Variants in TSNARE1 observed in about 807,000 individuals in gnomAD.
The protein encoded by TSNARE1 is t-SNARE domain containing 1, also known as t-SNARE domain-containing protein 1.
TSNARE1 carries 49 observed loss-of-function variants against 62.0 expected under a neutral mutation model. The observed-to-expected ratio is 0.79, with a 90% CI of 0.63 to 1.00. The LOEUF (loss-of-function observed/expected upper bound fraction) is 1.00. Ranked by LOEUF, TSNARE1 falls within the 50% of genes least tolerant of loss-of-function variation. TSNARE1 has a pLI of 0.00. For synonymous variants in TSNARE1, 328 were observed against 294.4 expected, an observed-to-expected ratio of 1.11 and a Z score of -1.17; for missense variants, 755 against 700.1, an observed-to-expected ratio of 1.08 and a Z score of -0.88.
At chr8:142,308,618 G>C (rs1586710554) in intron 9 of TSNARE1, among the ~76,000 whole-genome samples, 1 of 152,156 alleles carries the variant, frequency 6.6e-6, no homozygotes, top group African/African-American at 2.4e-5. Context: ...GTGTCCACGG[G>C]CTGGTGTGTC....
intron 1 of TSNARE1, among the ~76,000 whole-genome samples, chr8:142,359,512 G>A (rs1026179320): frequency 2.0e-5 from 3 of 152,226 alleles, no homozygotes; most frequent in African/African-American, 7.2e-5. Context: ...CCTCACAGGT[G>A]CTGAGCCAGT....
intron 12 of TSNARE1, among the ~76,000 whole-genome samples, chr8:142,237,323 G>A (rs1013194160): frequency 6.6e-6 from 1 of 152,244 alleles, no homozygotes; most frequent in Non-Finnish European, 1.5e-5. Context: ...GTCTTGGCCT[G>A]TTCAGGCCTG....
intron 11 of TSNARE1, chr8:142,280,437 A>G (rs957213362): frequency 1.8e-5 from 10 of 570,494 alleles, no homozygotes; most frequent in Non-Finnish European, 2.2e-5. Context: ...CAGGCCTCGC[A>G]TCGGCACCCA....
intron 10 of TSNARE1, among the ~76,000 whole-genome samples, chr8:142,288,914 C>T (rs1304809952): frequency 2.0e-5 from 3 of 152,268 alleles, no homozygotes; most frequent in African/African-American, 7.2e-5. Flanking sequence ...TGGGCTCATG[C>T]GTCCCAGCTT....
intron 9 of TSNARE1, among the ~76,000 whole-genome samples, chr8:142,308,986 G>A (rs975672593): frequency 2.6e-5 from 4 of 152,106 alleles, no homozygotes; most frequent in African/African-American, 9.7e-5. Context: ...TTAGTAATGT[G>A]GCATGTTTTT....
chr8:142,278,726 G>T, intron 11 of TSNARE1: 1 of 985,394 alleles, frequency 1.0e-6, no homozygotes, highest in Non-Finnish European at 1.2e-6. Flanking sequence ...GAGTGGGCCC[G>T]TGGGCTCGGA....
chr8:142,386,755 C>T (rs1837141354), intron 1 of TSNARE1, among the ~76,000 whole-genome samples: 1 of 152,160 alleles, frequency 6.6e-6, no homozygotes, highest in Non-Finnish European at 1.5e-5. Flanking sequence ...CTAATGAATG[C>T]ACTTGAGAAT....
chr8:142,300,886 G>GC (rs958547203), intron 9 of TSNARE1, among the ~76,000 whole-genome samples: 6 of 152,068 alleles, frequency 3.9e-5, no homozygotes, highest in Non-Finnish European at 8.8e-5. Flanking sequence ...AGTGTCATCA[G>GC]CCCCCCCGCA....
intron 10 of TSNARE1, among the ~76,000 whole-genome samples, chr8:142,297,541 T>C (rs1206864703): frequency 3.3e-5 from 5 of 152,082 alleles, no homozygotes; most frequent in Admixed American, 6.5e-5. Context: ...CCCCAGTGAA[T>C]GTGGGAGGAG....
intron 12 of TSNARE1, chr8:142,271,563 G>C (rs1819550208): frequency 5.7e-6 from 8 of 1,403,558 alleles, no homozygotes; most frequent in Non-Finnish European, 7.4e-6. Context: ...GAAGCAGGTG[G>C]GGAGGGTGAG....
In TSNARE1 at chr8:142,352,019, A is replaced by G. The variant is rs76088381; in HGVS notation, c.88+2618T>C. Among the ~76,000 whole-genome samples, 505 of 152,392 alleles carry G rather than the reference A, an allele frequency of 3.3e-3. 2 individuals carry two copies. Among genetic ancestry groups the G allele is most frequent in the African/African-American group, 0.011 (466 of 41,590 alleles). On this transcript the variant is annotated intron_variant, in intron 2 of 13. Coordinates refer to ENST00000524325, the MANE Select transcript of TSNARE1 (RefSeq NM_145003.5). Reference sequence around the variant, plus strand: ...TTATCATCTTGTGATGGAAGTTACTAAAGAGAAAAGTGCGAGTCCCGAAGG... The same window carrying G: ...TTATCATCTTGTGATGGAAGTTACTGAAGAGAAAAGTGCGAGTCCCGAAGG...
intron 6 of TSNARE1, among the ~76,000 whole-genome samples, chr8:142,328,822 G>GC (rs1285187953): frequency 5.2e-4 from 66 of 126,044 alleles, no homozygotes; most frequent in Middle Eastern, 3.8e-3. Flanking sequence ...GGCCTTTGGG[G>GC]GGGGGGAGGG....
intron 13 of TSNARE1, among the ~76,000 whole-genome samples, chr8:142,229,121 A>AATTGATGGTGGGTGGAGAG (rs1816971793): frequency 2.5e-5 from 1 of 39,502 alleles, no homozygotes; most frequent in African/African-American, 2.2e-4. Flanking sequence ...TGGATGGATA[A>AATTGATGGTGGGTGGAGAG]ATGGATGGTG....
chr8:142,369,523 G>C (rs964442989), intron 1 of TSNARE1, among the ~76,000 whole-genome samples: 2 of 152,228 alleles, frequency 1.3e-5, no homozygotes, highest in African/African-American at 2.4e-5. Context: ...GCCAGACTGA[G>C]GAGAGGTCAG....
intron 5 of TSNARE1, 86 bp from the exon 6 acceptor site, chr8:142,331,056 G>A (rs1391362667): frequency 2.2e-5 from 28 of 1,265,614 alleles, no homozygotes; most frequent in Middle Eastern, 1.9e-4. Flanking sequence ...ACTGCAGCCC[G>A]GGCAGGGTGA....
intron 1 of TSNARE1, among the ~76,000 whole-genome samples, chr8:142,358,954 C>G (rs1834949165): frequency 6.6e-6 from 1 of 152,120 alleles, no homozygotes; most frequent in African/African-American, 2.4e-5. Context: ...TGTGCCCACA[C>G]CGGCACCCAA....
rs146296288 is a variant in TSNARE1, at chr8:142,323,453, G to A, written c.894-4819C>T. ...GGACTCTCTGGAACTTCTGCCTGTC[G>A]CCAAAGTATGAGAGACATCCTAAAG... On this transcript the variant is annotated intron_variant, in intron 6 of 13. Coordinates refer to ENST00000524325, the MANE Select transcript of TSNARE1 (RefSeq NM_145003.5). Among the ~76,000 whole-genome samples, 855 of 152,288 alleles carry A rather than the reference G, an allele frequency of 5.6e-3. 11 individuals carry two copies. Among genetic ancestry groups the A allele is most frequent in the African/African-American group, 0.019 (801 of 41,568 alleles).
intron 9 of TSNARE1, among the ~76,000 whole-genome samples, chr8:142,308,473 G>A (rs557758374): frequency 3.3e-5 from 5 of 152,220 alleles, no homozygotes; most frequent in African/African-American, 9.6e-5. Flanking sequence ...CCCACCTCCC[G>A]TGGCAGGGCA....
chr8:142,304,831 A>G (rs1826391545), intron 9 of TSNARE1, among the ~76,000 whole-genome samples: 2 of 152,146 alleles, frequency 1.3e-5, no homozygotes, highest in South Asian at 4.1e-4. Context: ...CGTTCCTCCC[A>G]GGGGGGACAT....
Sources: gnomAD v4.1 joint callset for allele counts (sites outside exome capture counted in the v4.1 genomes callset) on GRCh38, gnomAD v4.1.1 for gene constraint, MANE v1.5 for transcripts, NCBI Gene and HGNC (gene_info 2026-07-23, HGNC 2026-07-21) for gene names.